The following LRCH2 variants were observed in gnomAD, a reference collection of about 807,000 sequenced individuals.
LRCH2 encodes the protein leucine-rich repeat and calponin homology domain-containing protein 2.
A neutral mutation model predicts 68.9 loss-of-function variants in LRCH2; 38 were observed. That is an observed-to-expected ratio of 0.55 (90% confidence interval 0.43 to 0.72). The LOEUF (loss-of-function observed/expected upper bound fraction) is 0.72. Among genes scored for constraint, LRCH2 ranks in the 30% least tolerant of loss-of-function variants. LRCH2 has a pLI of 0.00. For missense variants in LRCH2, 528 were observed against 572.9 expected (o/e 0.92, Z 0.80); for synonymous variants, 191 against 208.1 (o/e 0.92, Z 0.71).
At position 115,214,987 on chromosome X, in the gene LRCH2, T is replaced by C. The variant is rs187094555; in HGVS notation, c.349+18706A>G. 2.2e-4 allele frequency among the ~76,000 whole-genome samples: 25 copies of C among 112,543 alleles called. 1 individual carries two copies. Among genetic ancestry groups the C allele is most frequent in the Admixed American group, 1.9e-3 (20 of 10,628 alleles). On this transcript the variant is annotated intron_variant, in intron 1 of 20. Coordinates refer to ENST00000317135, the MANE Select transcript of LRCH2 (RefSeq NM_020871.4). The stretch of plus-strand genomic sequence containing the variant: ...CAAACATCAAAGAGATATTTAAGAA[T>C]GGCACTATACTTCAACCATTATAAA...
chrX:115,185,438 A>C (rs1454763288), intron 2 of LRCH2, among the ~76,000 whole-genome samples: 1 of 112,246 alleles, frequency 8.9e-6, no homozygotes, highest in Admixed American at 9.5e-5. Flanking sequence ...TTATATGCCA[A>C]AACAGACTGA....
chrX:115,141,916 A>AG (rs1196753037), intron 14 of LRCH2, among the ~76,000 whole-genome samples: 1 of 110,130 alleles, frequency 9.1e-6, no homozygotes, highest in African/African-American at 3.3e-5. Flanking sequence ...AGAAAAAAAA[A>AG]GAAACACAGT....
intron 1 of LRCH2, chrX:115,190,020 C>T (rs1556556752): frequency 4.3e-6 from 5 of 1,159,928 alleles, no homozygotes; most frequent in Admixed American, 5.2e-5. Flanking sequence ...GCTACTCAGG[C>T]TTGCAGCCAC....
intron 1 of LRCH2, among the ~76,000 whole-genome samples, chrX:115,214,375 G>T (rs1338118005): frequency 8.9e-6 from 1 of 111,844 alleles, no homozygotes; most frequent in African/African-American, 3.2e-5. Context: ...CCATGGCTCT[G>T]GCATCTGCCT....
chrX:115,167,469 C>T (rs1263979720), intron 6 of LRCH2, among the ~76,000 whole-genome samples: 1 of 108,548 alleles, frequency 9.2e-6, no homozygotes, highest in Non-Finnish European at 1.9e-5. Flanking sequence ...TAATTCTCCT[C>T]GGTAAAGTTA....
intron 11 of LRCH2, among the ~76,000 whole-genome samples, chrX:115,163,120 T>G (rs1556542716): frequency 1.8e-5 from 2 of 111,678 alleles, no homozygotes; most frequent in Admixed American, 1.9e-4. Flanking sequence ...CAGACCAAAG[T>G]GAGCCAGTGA....
intron 20 of LRCH2, among the ~76,000 whole-genome samples, chrX:115,121,813 T>C (rs1372320103): frequency 8.9e-6 from 1 of 111,964 alleles, no homozygotes; most frequent in Non-Finnish European, 1.9e-5. Flanking sequence ...GTGGGATCTG[T>C]AGACCAGATT....
At chrX:115,173,394 C>T (rs2072620053) in intron 5 of LRCH2, among the ~76,000 whole-genome samples, 1 of 111,648 alleles carries the variant, frequency 9.0e-6, no homozygotes, top group Admixed American at 9.5e-5. Flanking sequence ...CTGCCAACCC[C>T]TCGAGTAGAG....
At chrX:115,155,334 A>G (rs1168395938) in intron 12 of LRCH2, among the ~76,000 whole-genome samples, 2 of 110,639 alleles carry the variant, frequency 1.8e-5, no homozygotes, top group Non-Finnish European at 3.8e-5. Context: ...AATTTAAAAT[A>G]TATTCCCATA....
In LRCH2 at chrX:115,155,410, C is replaced by T. The variant is rs183433600; in HGVS notation, c.1529+1192G>A. The stretch of plus-strand genomic sequence containing the variant: ...CATGTATACCTAGTAACAAACCTGC[C>T]GATTCTACACATGTATCTCAGAACT... On this transcript the variant is annotated intron_variant, in intron 12 of 20. Transcript: ENST00000317135. Among the ~76,000 whole-genome samples, 205 of 105,893 alleles carry T rather than the reference C, an allele frequency of 1.9e-3. 2 individuals carry two copies. The highest frequency in any genetic ancestry group is 6.9e-3 in the African/African-American group (200 of 28,930). 92.0% of individuals were successfully genotyped at this position (105,893 alleles called of 115,157 possible).
At chrX:115,198,001 A>G (rs782646947) in intron 1 of LRCH2, among the ~76,000 whole-genome samples, 249 of 96,274 alleles carry the variant, frequency 2.6e-3, no homozygotes, top group African/African-American at 8.9e-3. Context: ...CAGTCAGACA[A>G]AAATAAAGAA....
At position 115,161,091 on chromosome X, in the gene LRCH2, G is replaced by A. The variant is rs184900660; in HGVS notation, c.1463+2585C>T. ...TCTTTGGCCGGGCGTGGTGGCTCAC[G>A]CCTGTAATCCCAGCACTTTGGAAGG... is the stretch of plus-strand genomic sequence containing the variant. On this transcript the variant is annotated intron_variant, in intron 11 of 20. Coordinates refer to ENST00000317135, the MANE Select transcript of LRCH2 (RefSeq NM_020871.4). Among the ~76,000 whole-genome samples the A allele has an allele frequency of 2.8e-4, 31 of 112,091 alleles. No individual in the cohort carries two copies. The East Asian group carries it at 8.7e-3, about 32-fold the overall frequency.
At chrX:115,190,429 G>A (rs1556557207) in intron 1 of LRCH2, 5 of 1,164,659 alleles carry the variant, frequency 4.3e-6, no homozygotes, top group African/African-American at 3.6e-5. Context: ...ATGCCGCTAC[G>A]AGGAGTACCA....
In LRCH2 at chrX:115,189,514, A is replaced by G. The variant is rs781935108; in HGVS notation, c.350-1144T>C. ...CCTCAAAACCGACGAGAAAGCCCTC[A>G]AAGCCGAGTTTGGCAAGTATGGCCA... On this transcript the variant is annotated intron_variant, in intron 1 of 20. Transcript: ENST00000317135. 7 of 1,182,878 alleles carry G rather than the reference A, an allele frequency of 5.9e-6. No individual in the cohort carries two copies. In the East Asian group the frequency reaches 2.2e-4, roughly 37 times the overall value.
intron 11 of LRCH2, among the ~76,000 whole-genome samples, chrX:115,158,092 C>T (rs1293733751): frequency 1.8e-5 from 2 of 111,694 alleles, no homozygotes; most frequent in Non-Finnish European, 3.8e-5. Context: ...ACATACTTCC[C>T]TAATCCAGTT....
intron 14 of LRCH2, among the ~76,000 whole-genome samples, chrX:115,133,184 C>T (rs1010993735): frequency 9.0e-6 from 1 of 111,019 alleles, no homozygotes. Context: ...ATTGACTTTG[C>T]AAGATGCAAA....
chrX:115,217,511 G>A (rs2073049453), intron 1 of LRCH2, among the ~76,000 whole-genome samples: 1 of 111,379 alleles, frequency 9.0e-6, no homozygotes, highest in Admixed American at 9.5e-5. Context: ...ACTTTGCTGA[G>A]AATGATGGTT....
intron 11 of LRCH2, among the ~76,000 whole-genome samples, chrX:115,160,241 G>A (rs12688243): frequency 0.014 from 1,591 of 110,870 alleles, 37 homozygotes; most frequent in Admixed American, 0.096. Flanking sequence ...GCTTGAACCC[G>A]GGAGGTGGAG....
chrX:115,182,916 T>C (rs1556553198), intron 3 of LRCH2, among the ~76,000 whole-genome samples: 1 of 107,933 alleles, frequency 9.3e-6, no homozygotes, highest in Admixed American at 1.0e-4. Flanking sequence ...GGGAGAGAAG[T>C]TGTCATTATC....
Sources: allele counts gnomAD v4.1 joint callset (sites outside exome capture counted in the v4.1 genomes callset), GRCh38; gene constraint gnomAD v4.1.1; transcripts MANE v1.5; gene names NCBI Gene and HGNC (gene_info 2026-07-23, HGNC 2026-07-21).